ITGA4: variants seen among roughly 807,000 people sequenced by gnomAD.
The protein encoded by ITGA4 is integrin subunit alpha 4.
ITGA4 carries 63 observed loss-of-function variants against 133.6 expected under a neutral mutation model. That is an observed-to-expected ratio of 0.47 (90% CI 0.38 to 0.58). The LOEUF is 0.58. ITGA4 is among the 20% of genes least tolerant of loss of function. The probability of loss-of-function intolerance (pLI) is 0.00; values close to 1 mark genes in which losing one functional copy is unlikely to be tolerated. For missense variants in ITGA4, 1,076 were observed against 1,252.7 expected (o/e 0.86, Z 2.13); for synonymous variants, 483 against 438.0 (o/e 1.10, Z -1.28).
intron 21 of ITGA4, among the ~76,000 whole-genome samples, chr2:181,526,676 A>G (rs1686835475): frequency 6.6e-6 from 1 of 152,082 alleles, no homozygotes; most frequent in East Asian, 1.9e-4. Flanking sequence ...GTTATCCCAC[A>G]TTACATTTGC....
At chr2:181,472,546 T>A (rs982373274) in intron 2 of ITGA4, among the ~76,000 whole-genome samples, 1 of 152,228 alleles carries the variant, frequency 6.6e-6, no homozygotes, top group African/African-American at 2.4e-5. Flanking sequence ...AGAGGGAACT[T>A]ATTAACATGG....
intron 22 of ITGA4, among the ~76,000 whole-genome samples, chr2:181,528,388 C>G (rs1686876288): frequency 6.6e-6 from 1 of 152,168 alleles, no homozygotes; most frequent in Admixed American, 6.5e-5. Context: ...AAACCGGACT[C>G]TAGAATGTTT....
At chr2:181,525,882 A>G (rs1686822854) in intron 21 of ITGA4, among the ~76,000 whole-genome samples, 1 of 152,228 alleles carries the variant, frequency 6.6e-6, no homozygotes, top group African/African-American at 2.4e-5. Flanking sequence ...GTGTGGAGAA[A>G]GAATAAAAGG....
chr2:181,515,274 C>G (rs1203852520), intron 17 of ITGA4, among the ~76,000 whole-genome samples: 1 of 152,044 alleles, frequency 6.6e-6, no homozygotes, highest in African/African-American at 2.4e-5. Context: ...AGACCTCTTT[C>G]CTCATTGCTA....
At chr2:181,530,896 A>AG (rs1397371550) in intron 24 of ITGA4, among the ~76,000 whole-genome samples, 1 of 152,110 alleles carries the variant, frequency 6.6e-6, no homozygotes, top group Non-Finnish European at 1.5e-5. Flanking sequence ...TGGGAGGCCG[A>AG]GGTGGGCAGA....
intron 21 of ITGA4, among the ~76,000 whole-genome samples, 156 bp from the exon 22 acceptor site, chr2:181,527,141 T>A (rs1192527999): frequency 6.6e-6 from 1 of 152,056 alleles, no homozygotes; most frequent in Non-Finnish European, 1.5e-5. Flanking sequence ...CGGCCCTAAT[T>A]TAATTTCTTT....
Position 181,527,315 on chromosome 2 carries a change from A to G in ITGA4, c.2358A>G (p.Ser786=), listed in dbSNP as rs775669327. The stretch of plus-strand genomic sequence containing the variant: ...TTACCAGGTTTGTAAACCCAACTTC[A>G]TTTGTGTATGGATCAAATGATGAAA... ...LTVHGFVNPT[S]FVYGSNDENE... is the part of the protein sequence containing the mutation. Residue 786 remains serine (S), a synonymous_variant, in exon 22 of 28, where the codon TCA becomes TCG. Coordinates refer to ENST00000397033, the MANE Select transcript of ITGA4 (RefSeq NM_000885.6). 1 of 1,611,604 alleles carries G rather than the reference A, an allele frequency of 6.2e-7. No homozygotes were observed. Among genetic ancestry groups the G allele is most frequent in the South Asian group, 1.1e-5 (1 of 90,968 alleles).
chr2:181,506,782 T>C (rs1328763611), intron 15 of ITGA4, among the ~76,000 whole-genome samples: 1 of 152,132 alleles, frequency 6.6e-6, no homozygotes, highest in Non-Finnish European at 1.5e-5. Flanking sequence ...TTGAAAATAA[T>C]CTATTCCTTA....
intron 10 of ITGA4, among the ~76,000 whole-genome samples, chr2:181,492,240 C>A (rs1686064007): frequency 6.6e-6 from 1 of 151,726 alleles, no homozygotes; most frequent in Non-Finnish European, 1.5e-5. Flanking sequence ...AAGAGGCTAG[C>A]CTTTGTATGT....
In ITGA4 at chr2:181,516,902, G is replaced by T. The variant is rs1686618186; in HGVS notation, c.1922+5127G>T. Among the ~76,000 whole-genome samples the T allele has an allele frequency of 6.6e-6, 1 of 152,006 alleles. No individual in the cohort carries two copies. Among genetic ancestry groups the T allele is most frequent in the Admixed American group, 6.6e-5 (1 of 15,236 alleles). ...TAAAATGGAAATAGTACGAATATTT[G>T]GCTCACTGACAGCATAAAGTTTTGG... is the stretch of plus-strand genomic sequence containing the variant. On this transcript the variant is annotated intron_variant, in intron 17 of 27. Coordinates refer to ENST00000397033, the MANE Select transcript of ITGA4 (RefSeq NM_000885.6). The surrounding 1 kb of genome is among the most constrained non-coding windows in gnomAD (Gnocchi z 4.0).
At chr2:181,527,434 G>A in intron 22 of ITGA4, 47 bp downstream of exon 22, 1 of 1,251,724 alleles carries the variant, frequency 8.0e-7, no homozygotes, top group Non-Finnish European at 1.2e-6. Context: ...CTAAAAGGAT[G>A]TCACTGATGC....
At chr2:181,513,664 G>C (rs1244730568) in intron 17 of ITGA4, among the ~76,000 whole-genome samples, 2 of 152,012 alleles carry the variant, frequency 1.3e-5, no homozygotes, top group Non-Finnish European at 2.9e-5. Flanking sequence ...CTAAACTCCT[G>C]GGTGGTATTT....
At chr2:181,502,448 CAG>C (rs1242010404) in intron 15 of ITGA4, among the ~76,000 whole-genome samples, 7 of 151,942 alleles carry the variant, frequency 4.6e-5, no homozygotes, top group African/African-American at 1.7e-4. Flanking sequence ...ATATATGTGA[CAG>C]GGGAGAAGAG....
At chr2:181,511,645 TA>T in intron 16 of ITGA4, 53 bp from the exon 17 acceptor site, 1 of 924,204 alleles carries the variant, frequency 1.1e-6, no homozygotes, top group South Asian at 1.4e-5. Flanking sequence ...AAAATATATA[TA>T]AATATACTTG....
In ITGA4 at chr2:181,537,711, T is replaced by TTTTTTTGTGTGTCCAATAAACACA. The variant is rs1390746599; in HGVS notation, c.*2187_*2210dup. 6.1e-6 allele frequency: 2 copies of TTTTTTTGTGTGTCCAATAAACACA among 330,102 alleles called. No individual in the cohort carries two copies. The highest frequency in any genetic ancestry group is 1.2e-5 in the Non-Finnish European group (2 of 170,300). The allele number at this position is 330,102 out of a possible 1,614,324, so 20.4% of individuals were successfully genotyped here. A position where few individuals can be genotyped will look rare whatever the true frequency, so the allele number is the denominator to read the frequency against. On this transcript the variant is annotated 3_prime_UTR_variant, in exon 28 of 28. Coordinates refer to ENST00000397033, the MANE Select transcript of ITGA4 (RefSeq NM_000885.6). The stretch of plus-strand genomic sequence containing the variant: ...TTGATGTATTATGATGGTTGCAAAG[T>TTTTTTTGTGTGTCCAATAAACACA]TTTTTTGTGTGTCCAATAAACACAT...
chr2:181,537,817 CTAAT>C lies in ITGA4; in HGVS notation c.*2292_*2295del, dbSNP rs1687241064. On this transcript the variant is annotated 3_prime_UTR_variant, in exon 28 of 28. Coordinates refer to ENST00000397033, the MANE Select transcript of ITGA4 (RefSeq NM_000885.6). The stretch of plus-strand genomic sequence containing the variant: ...ATCTTGACTTTTAAAGCCCTAGAGG[CTAAT>C]TGTTAGTAACATCAATTTCTATTAG... 2.1e-6 allele frequency: 1 copy of C among 475,242 alleles called. No homozygotes were observed. Among genetic ancestry groups the C allele is most frequent in the Non-Finnish European group, 4.1e-6 (1 of 241,218 alleles). 29.4% of individuals were successfully genotyped at this position (475,242 alleles called of 1,614,324 possible). A position where few individuals can be genotyped will look rare whatever the true frequency, so the allele number is the denominator to read the frequency against.
In ITGA4 at chr2:181,534,845, A is replaced by T; in HGVS notation, c.2913A>T (p.Arg971Ser). 6.2e-7 allele frequency: 1 copy of T among 1,600,532 alleles called. No individual in the cohort carries two copies. Among genetic ancestry groups the T allele is most frequent in the Non-Finnish European group, 8.5e-7 (1 of 1,175,922 alleles). The change falls in exon 27 of 28, where the codon AGA becomes AGT. Residue 971 changes from arginine (R) to serine (S), a missense_variant. Coordinates refer to ENST00000397033, the MANE Select transcript of ITGA4 (RefSeq NM_000885.6). The stretch of plus-strand genomic sequence containing the variant: ...TACTGGAAGGACTACATCATCAAAG[A>T]CCCAAACGTTATTTCACCATAGTGA... Reference protein sequence around the residue: ...HVLLEGLHHQRPKRYFTIVII... With the variant: ...HVLLEGLHHQSPKRYFTIVII...
intron 10 of ITGA4, among the ~76,000 whole-genome samples, chr2:181,489,350 T>TAA: frequency 6.7e-6 from 1 of 148,934 alleles, no homozygotes; most frequent in Non-Finnish European, 1.5e-5. Flanking sequence ...AGATGACCAA[T>TAA]TGATTTGGCA....
chr2:181,498,123 G>C (rs999184210), intron 14 of ITGA4, among the ~76,000 whole-genome samples: 3 of 151,866 alleles, frequency 2.0e-5, no homozygotes, highest in African/African-American at 7.2e-5. Flanking sequence ...ACTTAATCAT[G>C]TGTTCACTTC....
Sources: allele counts gnomAD v4.1 joint callset (sites outside exome capture counted in the v4.1 genomes callset), GRCh38; gene constraint gnomAD v4.1.1; non-coding constraint Gnocchi (gnomAD v3.1); transcripts MANE v1.5; gene names NCBI Gene and HGNC (gene_info 2026-07-23, HGNC 2026-07-21).